The following OTOG variants were observed in gnomAD, a reference collection of about 807,000 sequenced individuals.
OTOG encodes otogelin.
A neutral mutation model predicts 313.8 loss-of-function variants in OTOG; 296 were observed. The ratio of observed to expected loss-of-function variants is 0.94; its 90% CI spans 0.86 to 1.04. The LOEUF is 1.04. Ranked by LOEUF, OTOG falls within the 50% of genes least tolerant of loss-of-function variation. The probability of loss-of-function intolerance (pLI) is 0.00; values close to 1 mark genes in which losing one functional copy is unlikely to be tolerated. For missense variants in OTOG, 3,948 were observed against 3,840.1 expected (o/e 1.03, Z -0.74); for synonymous variants, 1,533 against 1,554.9 (o/e 0.99, Z 0.33).
chr11:17,635,358 C>T (rs1227927856), intron 46 of OTOG, among the ~76,000 whole-genome samples, 171 bp downstream of exon 46: 12 of 152,074 alleles, frequency 7.9e-5, no homozygotes, highest in South Asian at 2.1e-4. Context: ...AAGAGGACAC[C>T]GACCCCGTGT....
intron 27 of OTOG, 119 bp downstream of exon 27, chr11:17,593,875 C>A: frequency 7.1e-7 from 1 of 1,415,108 alleles, no homozygotes; most frequent in Non-Finnish European, 9.6e-7. Flanking sequence ...GTTCTCTCCT[C>A]CGCCCTGCTC....
chr11:17,629,928 C>T (rs769992164), intron 40 of OTOG, among the ~76,000 whole-genome samples: 2 of 152,092 alleles, frequency 1.3e-5, no homozygotes, highest in Non-Finnish European at 2.9e-5. Flanking sequence ...TGGGGCACTC[C>T]GTGACAGACT....
At chr11:17,578,699 G>A (rs2134036763) in intron 23 of OTOG, among the ~76,000 whole-genome samples, 173 bp downstream of exon 23, 1 of 152,180 alleles carries the variant, frequency 6.6e-6, no homozygotes, top group Admixed American at 6.5e-5. Flanking sequence ...AGGAGAGGCT[G>A]GGGATCCAGC....
Position 17,641,111 on chromosome 11 carries a change from GGGGT to G in OTOG, c.8190+28_8190+31del. 6.6e-6 allele frequency: 10 copies of G among 1,511,166 alleles called. No homozygotes were observed. Among genetic ancestry groups the G allele is most frequent in the Non-Finnish European group, 8.0e-6 (9 of 1,125,836 alleles). 93.6% of individuals were successfully genotyped at this position (1,511,166 alleles called of 1,614,324 possible). On this transcript the variant is annotated intron_variant, in intron 51 of 55. Transcript: ENST00000399397. Reference sequence around the variant, plus strand: ...GAGGCGGTAGGGTGCAGCCCAGGGCGGGGTGGGTGGGGTTGGGAGGGCTTGCCTG... The same window carrying G: ...GAGGCGGTAGGGTGCAGCCCAGGGCGGGGTGGGGTTGGGAGGGCTTGCCTG...
At chr11:17,618,066 A>T (rs566487880) in intron 39 of OTOG, among the ~76,000 whole-genome samples, 2 of 151,438 alleles carry the variant, frequency 1.3e-5, no homozygotes, top group African/African-American at 2.4e-5. Context: ...GCACCAGCCA[A>T]TTTTTTTTGT....
Position 17,610,768 on chromosome 11 carries a change from GC to G in OTOG, c.5472del (p.Ala1826ProfsTer31), listed in dbSNP as rs1029389440. 6.7e-5 allele frequency: 104 copies of G among 1,549,738 alleles called. No homozygotes were observed. Among genetic ancestry groups the G allele is most frequent in the Non-Finnish European group, 8.9e-5 (102 of 1,146,976 alleles). On this transcript the variant is annotated frameshift_variant, in exon 36 of 56. Coordinates refer to ENST00000399397, the MANE Select transcript of OTOG (RefSeq NM_001292063.2). LOFTEE classifies it high-confidence loss of function. ...VGTSAPVATP[G>X]PKASVITTPL... ...ACATCTGCCCCAGTGGCCACACCCG[GC>G]CCCAAAGCCTCTGTCATCACCACTC...
chr11:17,635,349 A>G (rs1854239451), intron 46 of OTOG, among the ~76,000 whole-genome samples, 162 bp downstream of exon 46: 1 of 152,128 alleles, frequency 6.6e-6, no homozygotes. Context: ...TGTGGGAGGA[A>G]GAGGACACCG....
chr11:17,557,725 A>C (rs1852086044), intron 8 of OTOG, among the ~76,000 whole-genome samples: 1 of 152,138 alleles, frequency 6.6e-6, no homozygotes, highest in African/African-American at 2.4e-5. Flanking sequence ...GTTCAGGGCC[A>C]AATCATGGTG....
Position 17,547,401 on chromosome 11 carries a change from G to A in OTOG, c.29G>A (p.Trp10Ter). Residue 10 changes from tryptophan to a stop codon, truncating the protein, a stop_gained, in exon 1 of 56, where the codon TGG becomes TAG. Transcript: ENST00000399397. LOFTEE classifies it high-confidence loss of function. ...GGAGTCCTGGCGTCTGCGCTCTGCT[G>A]GCTGCTTTGTGTCTGGCTGCCCTGG... MGVLASALC[W>*]LLCVWLPWGE... 7.0e-7 allele frequency: 1 copy of A among 1,424,484 alleles called. No individual in the cohort carries two copies. Among genetic ancestry groups the A allele is most frequent in the South Asian group, 1.5e-5 (1 of 66,582 alleles). 88.2% of individuals were successfully genotyped at this position (1,424,484 alleles called of 1,614,324 possible).
intron 29 of OTOG, 37 bp from the exon 30 acceptor site, chr11:17,596,814 A>G: frequency 1.3e-6 from 2 of 1,528,336 alleles, no homozygotes; most frequent in Non-Finnish European, 1.8e-6. Context: ...GACATTTGGG[A>G]TCTGTCCTCT....
intron 6 of OTOG, among the ~76,000 whole-genome samples, chr11:17,554,171 C>T (rs978814998): frequency 6.6e-6 from 1 of 152,104 alleles, no homozygotes; most frequent in Non-Finnish European, 1.5e-5. Context: ...TTTAGAGTCA[C>T]CTCCTCTAAG....
chr11:17,562,809 A>C (rs1321399356), intron 15 of OTOG, among the ~76,000 whole-genome samples: 1 of 151,820 alleles, frequency 6.6e-6, no homozygotes. Context: ...CTTTCCTTCC[A>C]TCCTTTTGTC....
intron 30 of OTOG, among the ~76,000 whole-genome samples, chr11:17,598,485 T>C (rs183178364): frequency 9.2e-5 from 14 of 152,364 alleles, no homozygotes; most frequent in Admixed American, 8.5e-4. Context: ...GTATTTATCT[T>C]GATTACTGAG....
Position 17,611,395 on chromosome 11 carries a change from C to T in OTOG, c.6095C>T (p.Thr2032Ile). The change falls in exon 36 of 56, where the codon ACT becomes ATT. Residue 2032 changes from threonine (T) to isoleucine (I), a missense_variant. Transcript: ENST00000399397. The part of the protein sequence containing the change: ...EGLAEALATT[T>I]EANTSTTCVP... ...TTGGCGGAGGCTTTGGCAACTACCA[C>T]TGAGGCCAATACATCCACCACCTGT... 1 of 1,537,046 alleles carries T rather than the reference C, an allele frequency of 6.5e-7. No individual in the cohort carries two copies. The highest frequency in any genetic ancestry group is 2.5e-5 in the East Asian group (1 of 40,628).
In OTOG at chr11:17,548,418, CTTTTTTTTTTTTTTTTTTT is replaced by C. The variant is rs56402246; in HGVS notation, c.216+226_216+244del. 0.029 allele frequency among the ~76,000 whole-genome samples: 2,566 copies of C among 87,606 alleles called. 98 individuals carry two copies. The highest frequency in any genetic ancestry group is 0.05 in the African/African-American group (1,047 of 21,112). 57.5% of individuals were successfully genotyped at this position (87,606 alleles called of 152,430 possible). ...ATCTCTTGGGGGTCTATAGTCCACT[CTTTTTTTTTTTTTTTTTTT>C]TTTTTTTTTTTTTTTTTTTAGGAGA... On this transcript the variant is annotated intron_variant, in intron 3 of 55. Transcript: ENST00000399397.
chr11:17,559,741 G>T, intron 12 of OTOG, 79 bp downstream of exon 12: 2 of 965,624 alleles, frequency 2.1e-6, no homozygotes, highest in Admixed American at 2.5e-5. Context: ...GAGTTCAGAA[G>T]ATACCTGTTT....
chr11:17,561,693 C>G lies in OTOG; in HGVS notation c.1530C>G (p.Phe510Leu). Reference protein sequence around the residue: ...AECSVTGDIHFTTFDGRRYTF... With the variant: ...AECSVTGDIHLTTFDGRRYTF... Reference sequence around the variant, plus strand: ...GCTCAGTGACTGGTGACATTCACTTCACAACCTTTGATGGCCGCCGGTACA... The same window carrying G: ...GCTCAGTGACTGGTGACATTCACTTGACAACCTTTGATGGCCGCCGGTACA... The change falls in exon 15 of 56, where the codon TTC (phenylalanine) becomes TTG (leucine). Residue 510 changes from phenylalanine to leucine, a missense_variant. Transcript: ENST00000399397. 1 of 1,550,570 alleles carries G rather than the reference C, an allele frequency of 6.4e-7. No homozygotes were observed. The highest frequency in any genetic ancestry group is 8.7e-7 in the Non-Finnish European group (1 of 1,146,988).
In OTOG at chr11:17,612,719, A is replaced by G. The variant is rs1261690758; in HGVS notation, c.6392A>G (p.Asp2131Gly). 1.9e-6 allele frequency: 3 copies of G among 1,550,478 alleles called. No individual in the cohort carries two copies. Among genetic ancestry groups the G allele is most frequent in the African/African-American group, 2.7e-5 (2 of 73,034 alleles). Residue 2131 changes from aspartate (D) to glycine (G), a missense_variant, in exon 38 of 56, where the codon GAT (aspartate) becomes GGT (glycine). Physicochemically the swap from Asp to Gly is moderately conservative, Grantham distance 94. Transcript: ENST00000399397. The part of the protein sequence containing the change: ...EAIYILSQSP[D>G]EMLTVHVLDC... ...ATCTACATCCTCAGCCAGAGCCCAG[A>G]TGAAATGCTCACCGTCCATGTACTG... is the stretch of plus-strand genomic sequence containing the variant.
At chr11:17,551,187 TC>T (rs1220875580) in intron 3 of OTOG, among the ~76,000 whole-genome samples, 2 of 152,164 alleles carry the variant, frequency 1.3e-5, no homozygotes, top group African/African-American at 4.8e-5. Context: ...AGGCTGAACC[TC>T]TAAGGGAGGA....
Sources: gnomAD v4.1 joint callset for allele counts (sites outside exome capture counted in the v4.1 genomes callset) on GRCh38, gnomAD v4.1.1 for gene constraint, MANE v1.5 for transcripts, NCBI Gene and HGNC (gene_info 2026-07-23, HGNC 2026-07-21) for gene names.